Variants in GAGE1 observed in about 807,000 individuals in gnomAD.
GAGE1 encodes G antigen 4.
Under a neutral mutation model 5.0 loss-of-function variants are expected in GAGE1, and 5 were observed. The ratio of observed to expected loss-of-function variants is 1.00; its 90% CI spans 0.52 to 2.11. The LOEUF (loss-of-function observed/expected upper bound fraction) is 2.11, where lower values mean the gene tolerates loss of function less well. GAGE1 is among the 30% of genes most tolerant of loss of function. The pLI is 0.01. For synonymous variants in GAGE1, 6 were observed against 14.8 expected, an observed-to-expected ratio of 0.40 and a Z score of 1.37; for missense variants, 9 against 38.9, an observed-to-expected ratio of 0.23 and a Z score of 2.04.
At chrX:49,605,716 G>A (rs1173270434) in intron 4 of GAGE1, among the ~76,000 whole-genome samples, 1 of 110,598 alleles carries the variant, frequency 9.0e-6, no homozygotes, top group Non-Finnish European at 1.9e-5. Context: ...GTATACCATC[G>A]TGGCTAACAC....
chrX:49,604,700 A>C (rs1417305934), intron 4 of GAGE1, among the ~76,000 whole-genome samples: 5 of 112,379 alleles, frequency 4.4e-5, no homozygotes, highest in African/African-American at 9.7e-5. Flanking sequence ...TTGAGATTTC[A>C]TTGTTAGTAA....
At position 49,608,268 on chromosome X, in the gene GAGE1, C is replaced by A. The variant is rs1204647025; in HGVS notation, c.*2253C>A. On this transcript the variant is annotated 3_prime_UTR_variant, in exon 5 of 5. Transcript: ENST00000381700. ...CTTGTTCTGACTGAAAAACAAAGTG[C>A]TTTGACTGTGCTGTGACCCAGCCAG... 1 of 111,557 alleles carries A rather than the reference C, an allele frequency of 9.0e-6. No individual in the cohort carries two copies. The highest frequency in any genetic ancestry group is 1.9e-5 in the Non-Finnish European group (1 of 53,186). 9.2% of individuals were successfully genotyped at this position (111,557 alleles called of 1,213,427 possible).
chrX:49,608,001 C>G lies in GAGE1; in HGVS notation c.*1986C>G, dbSNP rs782547191. On this transcript the variant is annotated 3_prime_UTR_variant, in exon 5 of 5. Coordinates refer to ENST00000381700, the MANE Select transcript of GAGE1 (RefSeq NM_001040663.4). ...ATTTGGGGGGATTTCAATTTCTAAG[C>G]TCAAAGCCCTTGCACTTTTCTCAAA... The G allele has an allele frequency of 8.1e-5, 9 of 111,783 alleles. No individual in the cohort carries two copies. The highest frequency in any genetic ancestry group is 1.1e-4 in the Non-Finnish European group (6 of 53,177). 9.2% of individuals were successfully genotyped at this position (111,783 alleles called of 1,213,427 possible).
chrX:49,602,540 T>C (rs5953318), intron 3 of GAGE1, among the ~76,000 whole-genome samples: 2 of 78,719 alleles, frequency 2.5e-5, no homozygotes, highest in South Asian at 7.0e-4. Flanking sequence ...CCTCCGTCTC[T>C]TACCGTGCTG....
rs1242270557 is a variant in GAGE1, at chrX:49,608,500, C to T, written c.*2485C>T. On this transcript the variant is annotated 3_prime_UTR_variant, in exon 5 of 5. Transcript: ENST00000381700. The stretch of plus-strand genomic sequence containing the variant: ...TTGCCTGTTGCGAGGATGCTTTAGC[C>T]TACTCTAAGTTCTCCCAATAAATGC... 4 of 111,192 alleles carry T rather than the reference C, an allele frequency of 3.6e-5. No individual in the cohort carries two copies. Among genetic ancestry groups the T allele is most frequent in the African/African-American group, 1.3e-4 (4 of 30,601 alleles). 9.2% of individuals were successfully genotyped at this position (111,192 alleles called of 1,213,427 possible).
In GAGE1 at chrX:49,608,204, C is replaced by T. The variant is rs1163761089; in HGVS notation, c.*2189C>T. ...GTGGCACACAAACCTTGCATGGTGTCTCTAGGGCCTCCTACCCCGCATTTC... is the reference window on the plus strand; with the variant it reads ...GTGGCACACAAACCTTGCATGGTGTTTCTAGGGCCTCCTACCCCGCATTTC... On this transcript the variant is annotated 3_prime_UTR_variant, in exon 5 of 5. Coordinates refer to ENST00000381700, the MANE Select transcript of GAGE1 (RefSeq NM_001040663.4). The T allele has an allele frequency of 1.8e-5, 2 of 111,622 alleles. No homozygotes were observed. The highest frequency in any genetic ancestry group is 3.8e-5 in the Non-Finnish European group (2 of 53,168). The allele number at this position is 111,622 out of a possible 1,213,427, so 9.2% of individuals were successfully genotyped here.
chrX:49,605,107 C>T (rs369714902), intron 4 of GAGE1: 9 of 1,008,566 alleles, frequency 8.9e-6, no homozygotes, highest in East Asian at 1.2e-4. Context: ...TATCAAATGG[C>T]AAGAGACCGT....
chrX:49,605,832 C>A (rs1557132124), intron 4 of GAGE1, among the ~76,000 whole-genome samples, 161 bp from the exon 5 acceptor site: 1 of 108,856 alleles, frequency 9.2e-6, no homozygotes, highest in African/African-American at 3.3e-5. Context: ...TCGCTTGAAC[C>A]CAGAAGGCGG....
chrX:49,602,065 A>G (rs1390731625), intron 3 of GAGE1, among the ~76,000 whole-genome samples: 2 of 108,816 alleles, frequency 1.8e-5, no homozygotes, highest in Admixed American at 2.0e-4. Context: ...AGTCCCAGCT[A>G]CTTGGGAGGC....
At chrX:49,602,512 T>C (rs2147103298) in intron 3 of GAGE1, among the ~76,000 whole-genome samples, 1 of 78,802 alleles carries the variant, frequency 1.3e-5, no homozygotes, top group East Asian at 3.6e-4. Flanking sequence ...TTTCGCTTCA[T>C]AGGTTTCACA....
At position 49,606,009 on chromosome X, in the gene GAGE1, G is replaced by A. The variant is rs1557132178; in HGVS notation, c.348G>A (p.Gln116=). 2 of 1,073,800 alleles carry A rather than the reference G, an allele frequency of 1.9e-6. No individual in the cohort carries two copies. Among genetic ancestry groups the A allele is most frequent in the Non-Finnish European group, 2.4e-6 (2 of 822,340 alleles). 88.5% of individuals were successfully genotyped at this position (1,073,800 alleles called of 1,213,427 possible). The part of the protein sequence containing the change: ...KTPEEGEGQS[Q]C ...TTGTTTCAGGTGAAGGGCAATCACAGTGTTAAAAGAAGACATGCTGAAATG... is the reference window on the plus strand; with the variant it reads ...TTGTTTCAGGTGAAGGGCAATCACAATGTTAAAAGAAGACATGCTGAAATG... The change falls in exon 5 of 5, where the codon CAG becomes CAA. Residue 116 remains glutamine (Q), a synonymous_variant. Transcript: ENST00000381700.
chrX:49,604,156 C>T (rs1384705411), intron 4 of GAGE1, among the ~76,000 whole-genome samples: 1 of 112,607 alleles, frequency 8.9e-6, no homozygotes, highest in African/African-American at 3.2e-5. Flanking sequence ...CCAGACCCAG[C>T]ATTATATTTT....
At chrX:49,602,266 C>T (rs1250377542) in intron 3 of GAGE1, among the ~76,000 whole-genome samples, 1 of 111,267 alleles carries the variant, frequency 9.0e-6, no homozygotes, top group Non-Finnish European at 1.9e-5. Context: ...ATGTTGCAAA[C>T]GTAACTCCTT....
At chrX:49,605,426 G>C (rs1470109317) in intron 4 of GAGE1, among the ~76,000 whole-genome samples, 1 of 112,021 alleles carries the variant, frequency 8.9e-6, no homozygotes, top group East Asian at 2.8e-4. Flanking sequence ...AATTGTAATT[G>C]CTTGTGACTT....
At chrX:49,604,467 C>T (rs781786052) in intron 4 of GAGE1, among the ~76,000 whole-genome samples, 6 of 112,287 alleles carry the variant, frequency 5.3e-5, no homozygotes, top group Non-Finnish European at 9.4e-5. Flanking sequence ...CTCTTACAGC[C>T]TTGGTGAGAT....
intron 4 of GAGE1, chrX:49,605,174 A>T: frequency 1.0e-6 from 1 of 980,953 alleles, no homozygotes; most frequent in Non-Finnish European, 1.3e-6. Flanking sequence ...GGTGTGAGTA[A>T]GATGCCTGTG....
chrX:49,606,032 A>T lies in GAGE1; in HGVS notation c.*17A>T, dbSNP rs1557132189. On this transcript the variant is annotated 3_prime_UTR_variant, in exon 5 of 5. Coordinates refer to ENST00000381700, the MANE Select transcript of GAGE1 (RefSeq NM_001040663.4). ...CAGTGTTAAAAGAAGACATGCTGAA[A>T]TGTTGCAGGCTGCTCCTATGTTGGA... The T allele has an allele frequency of 9.5e-7, 1 of 1,053,055 alleles. No individual in the cohort carries two copies. Among genetic ancestry groups the T allele is most frequent in the South Asian group, 3.2e-5 (1 of 31,217 alleles). 86.8% of individuals were successfully genotyped at this position (1,053,055 alleles called of 1,213,427 possible). A position where few individuals can be genotyped will look rare whatever the true frequency, so the allele number is the denominator to read the frequency against.
rs782163265 is a variant in GAGE1 at position 49,607,459 on chromosome X, T to C, written c.*1444T>C. 9.0e-6 allele frequency: 1 copy of C among 111,614 alleles called. No individual in the cohort carries two copies. The highest frequency in any genetic ancestry group is 3.8e-4 in the South Asian group (1 of 2,625). 9.2% of individuals were successfully genotyped at this position (111,614 alleles called of 1,213,427 possible). A position where few individuals can be genotyped will look rare whatever the true frequency, so the allele number is the denominator to read the frequency against. On this transcript the variant is annotated 3_prime_UTR_variant, in exon 5 of 5. Transcript: ENST00000381700. ...TTGGTATGTAAAACCTCTTTTTCCATTCACTGGAACTCAAGTCTCCTCAAG... is the reference window on the plus strand; with the variant it reads ...TTGGTATGTAAAACCTCTTTTTCCACTCACTGGAACTCAAGTCTCCTCAAG...
intron 4 of GAGE1, among the ~76,000 whole-genome samples, chrX:49,604,529 G>T (rs1300584226): frequency 2.7e-5 from 3 of 112,167 alleles, no homozygotes; most frequent in Non-Finnish European, 3.8e-5. Context: ...TATGAAAATA[G>T]TGAGTTTAAG....
Sources: gnomAD v4.1 joint callset for allele counts (sites outside exome capture counted in the v4.1 genomes callset) on GRCh38, gnomAD v4.1.1 for gene constraint, MANE v1.5 for transcripts, NCBI Gene and HGNC (gene_info 2026-07-23, HGNC 2026-07-21) for gene names.